Variants in RMST observed in about 807,000 individuals in gnomAD.
The protein encoded by RMST is rhabdomyosarcoma 2 associated transcript.
chr12:97,479,856 T>C (rs751120371), intron 5 of RMST, among the ~76,000 whole-genome samples: 2 of 152,156 alleles, frequency 1.3e-5, no homozygotes, highest in African/African-American at 2.4e-5. Context: ...CTGCTTGCCA[T>C]GTCCAACAGG....
intron 11 of RMST, among the ~76,000 whole-genome samples, chr12:97,543,485 A>G (rs1882710208): frequency 6.6e-6 from 1 of 152,032 alleles, no homozygotes; most frequent in South Asian, 2.1e-4. Context: ...CGCTCTATAT[A>G]TGATAATGAA....
At chr12:97,523,044 T>C (rs1238551133) in intron 10 of RMST, among the ~76,000 whole-genome samples, 1 of 152,240 alleles carries the variant, frequency 6.6e-6, no homozygotes, top group Non-Finnish European at 1.5e-5. Flanking sequence ...TGTATCAGCT[T>C]CCTGAAGGTA....
chr12:97,515,349 T>C (rs1422117074), intron 10 of RMST, among the ~76,000 whole-genome samples: 1 of 152,136 alleles, frequency 6.6e-6, no homozygotes, highest in Non-Finnish European at 1.5e-5. Context: ...TATTATAGTC[T>C]GAATGTATGT....
At chr12:97,467,138 A>T (rs1873284845) in intron 5 of RMST, among the ~76,000 whole-genome samples, 1 of 152,046 alleles carries the variant, frequency 6.6e-6, no homozygotes, top group Non-Finnish European at 1.5e-5. Context: ...TTGGACTAAG[A>T]AATAAAAAGT....
At chr12:97,550,470 T>A (rs1883233588) in intron 11 of RMST, among the ~76,000 whole-genome samples, 1 of 152,156 alleles carries the variant, frequency 6.6e-6, no homozygotes, top group Non-Finnish European at 1.5e-5. Context: ...GATATAGGAA[T>A]ATTGTATTTC....
intron 11 of RMST, among the ~76,000 whole-genome samples, chr12:97,537,386 A>C (rs1454381866): frequency 6.6e-6 from 1 of 151,444 alleles, no homozygotes; most frequent in African/African-American, 2.4e-5. Context: ...CCAATTAAAG[A>C]CTGAGATTTA....
chr12:97,503,390 A>G (rs138874556), intron 10 of RMST, among the ~76,000 whole-genome samples: 1,529 of 152,140 alleles, frequency 0.01, 74 homozygotes, highest in Admixed American at 0.092. Context: ...TGGGTAAATT[A>G]TCTATAGTGA....
chr12:97,525,991 A>G (rs527587250), intron 10 of RMST, among the ~76,000 whole-genome samples: 9 of 151,938 alleles, frequency 5.9e-5, no homozygotes, highest in Non-Finnish European at 1.3e-4. Context: ...ATGAGAATCT[A>G]ATGCCTGATG....
chr12:97,499,975 T>A (rs930778665), intron 10 of RMST, among the ~76,000 whole-genome samples: 4 of 152,140 alleles, frequency 2.6e-5, no homozygotes, highest in Non-Finnish European at 5.9e-5. Context: ...TTCTTTTTAC[T>A]CATTACAACT....
intron 11 of RMST, among the ~76,000 whole-genome samples, chr12:97,543,352 A>G (rs779262784): frequency 6.6e-6 from 1 of 151,920 alleles, no homozygotes; most frequent in Admixed American, 6.6e-5. Context: ...CACAGTTCTC[A>G]TCACTGCAAG....
At chr12:97,542,672 G>A (rs1882637194) in intron 11 of RMST, among the ~76,000 whole-genome samples, 1 of 151,736 alleles carries the variant, frequency 6.6e-6, no homozygotes, top group Non-Finnish European at 1.5e-5. Context: ...TCCATCTCTG[G>A]GGCTTTGATT....
intron 5 of RMST, among the ~76,000 whole-genome samples, chr12:97,482,172 A>T (rs1875377568): frequency 6.6e-6 from 1 of 152,256 alleles, no homozygotes. Flanking sequence ...TCCAGTTTTT[A>T]AGTACATTGT....
At chr12:97,507,918 A>C (rs908740534) in intron 10 of RMST, among the ~76,000 whole-genome samples, 1 of 152,234 alleles carries the variant, frequency 6.6e-6, no homozygotes, top group African/African-American at 2.4e-5. Context: ...CTGTCAAAGT[A>C]GACACAAGGA....
At chr12:97,508,382 C>A (rs2136503632) in intron 10 of RMST, among the ~76,000 whole-genome samples, 1 of 152,258 alleles carries the variant, frequency 6.6e-6, no homozygotes, top group Non-Finnish European at 1.5e-5. Flanking sequence ...TACCTCCCTC[C>A]TCCAAGATTA....
chr12:97,493,928 T>C (rs1877132765), exon 8 of RMST: 1 of 152,176 alleles, frequency 6.6e-6, no homozygotes. Context: ...ATAAATCCCA[T>C]GGGAAGTCAG....
chr12:97,564,408 T>A, exon 14 of RMST: 1 of 154,156 alleles, frequency 6.5e-6, no homozygotes, highest in Admixed American at 6.4e-5. Flanking sequence ...AAGGGTGTGG[T>A]ACAATGGGGA....
intron 10 of RMST, among the ~76,000 whole-genome samples, chr12:97,512,740 C>G (rs533222332): frequency 4.0e-5 from 6 of 151,826 alleles, no homozygotes; most frequent in Non-Finnish European, 8.8e-5. Flanking sequence ...GATCCCGCAC[C>G]GGGGCTGCAG....
chr12:97,561,391 G>A (rs530074255), intron 13 of RMST, among the ~76,000 whole-genome samples: 1 of 152,100 alleles, frequency 6.6e-6, no homozygotes, highest in Non-Finnish European at 1.5e-5. Context: ...TGTGAACGCA[G>A]GTTGGGAGAA....
At position 97,490,903 on chromosome 12, in the gene RMST, A is replaced by G. The variant is rs142030363; in HGVS notation, n.645-1558A>G. 6.8e-3 allele frequency among the ~76,000 whole-genome samples: 1,038 copies of G among 152,320 alleles called. 48 individuals are homozygous for G. Among genetic ancestry groups the G allele is most frequent in the Non-Finnish European group, 1.6e-3 (112 of 68,030 alleles). ...TCAAACTGCAACAGAGTGACTGAAC[A>G]CTTATCTTGAAAATCTTAAGTTGGG... On this transcript the variant is annotated intron_variant and non_coding_transcript_variant, in intron 5 of 13. Coordinates refer to ENST00000640149, the Ensembl canonical transcript of RMST.
Sources: allele counts gnomAD v4.1 joint callset (sites outside exome capture counted in the v4.1 genomes callset), GRCh38; gene constraint gnomAD v4.1.1; transcripts MANE v1.5; gene names NCBI Gene and HGNC (gene_info 2026-07-23, HGNC 2026-07-21).